SUGCT: variants seen among roughly 807,000 people sequenced by gnomAD.
SUGCT encodes succinyl-CoA:glutarate-CoA transferase.
Under a neutral mutation model 55.0 loss-of-function variants are expected in SUGCT, and 41 were observed. The ratio of observed to expected loss-of-function variants is 0.74; its 90% CI spans 0.58 to 0.97. The LOEUF (loss-of-function observed/expected upper bound fraction) is 0.97, where lower values mean the gene tolerates loss of function less well. Among genes scored for constraint, SUGCT ranks in the 50% least tolerant of loss-of-function variants. SUGCT has a pLI of 0.00. For missense variants in SUGCT, 568 were observed against 547.8 expected (o/e 1.04, Z -0.37); for synonymous variants, 187 against 200.4 (o/e 0.93, Z 0.56).
chr7:40,964,145 ATT>A, the SUGCT span, among the ~76,000 whole-genome samples: 1 of 152,196 alleles, frequency 6.6e-6, no homozygotes, highest in South Asian at 2.1e-4. Context: ...TTCTCTATTC[ATT>A]TTGTATCAAT....
chr7:40,480,301 C>T (rs1257242376), intron 11 of SUGCT, among the ~76,000 whole-genome samples: 1 of 152,122 alleles, frequency 6.6e-6, no homozygotes, highest in Non-Finnish European at 1.5e-5. Context: ...ATGTTCGTGG[C>T]ATCCCTGTGA....
At chr7:41,011,989 A>G in the SUGCT span, among the ~76,000 whole-genome samples, 1 of 151,752 alleles carries the variant, frequency 6.6e-6, no homozygotes, top group Non-Finnish European at 1.5e-5. Flanking sequence ...TCTCTGTTTC[A>G]CTTCATATTC....
chr7:40,948,228 C>T, the SUGCT span, among the ~76,000 whole-genome samples: 1 of 152,320 alleles, frequency 6.6e-6, no homozygotes, highest in Admixed American at 6.5e-5. Flanking sequence ...GCCATTCCTT[C>T]TCTGCATGAA....
At chr7:40,604,422 GT>G (rs931925184) in intron 12 of SUGCT, among the ~76,000 whole-genome samples, 18 of 152,146 alleles carry the variant, frequency 1.2e-4, no homozygotes, top group Non-Finnish European at 4.4e-5. Flanking sequence ...AGAAGCATCT[GT>G]TTTTAGAATG....
At chr7:40,994,792 C>G in the SUGCT span, among the ~76,000 whole-genome samples, 1 of 152,168 alleles carries the variant, frequency 6.6e-6, no homozygotes, top group African/African-American at 2.4e-5. Context: ...CCTTTGGTGA[C>G]AAGTGAGTGC....
At chr7:40,517,426 G>T (rs1161568283) in intron 12 of SUGCT, among the ~76,000 whole-genome samples, 1 of 151,900 alleles carries the variant, frequency 6.6e-6, no homozygotes, top group African/African-American at 2.4e-5. Flanking sequence ...TCTTGTTTCT[G>T]ATTTAAGAAA....
intron 13 of SUGCT, among the ~76,000 whole-genome samples, chr7:40,795,412 A>G (rs1347846260): frequency 6.6e-6 from 1 of 152,190 alleles, no homozygotes; most frequent in African/African-American, 2.4e-5. Context: ...TCTTTCACCA[A>G]ATAAATGAAA....
chr7:40,290,573 A>G (rs1015380567), intron 8 of SUGCT, among the ~76,000 whole-genome samples: 2 of 152,230 alleles, frequency 1.3e-5, no homozygotes, highest in African/African-American at 4.8e-5. Context: ...CCTAGGCAGT[A>G]CTATTCAGGA....
chr7:40,207,681 GT>G (rs1367754631), intron 6 of SUGCT, among the ~76,000 whole-genome samples: 1 of 152,102 alleles, frequency 6.6e-6, no homozygotes, highest in Admixed American at 6.6e-5. Context: ...GCCAGGCGTG[GT>G]GGCGGGCACC....
At chr7:40,183,350 AT>A (rs987910164) in intron 3 of SUGCT, among the ~76,000 whole-genome samples, 1 of 152,038 alleles carries the variant, frequency 6.6e-6, no homozygotes, top group African/African-American at 2.4e-5. Flanking sequence ...TTTTGTTTTT[AT>A]TTTTTAGAGA....
At chr7:40,424,059 C>A (rs1052136245) in intron 9 of SUGCT, among the ~76,000 whole-genome samples, 1 of 152,054 alleles carries the variant, frequency 6.6e-6, no homozygotes, top group African/African-American at 2.4e-5. Flanking sequence ...ATCATACTTT[C>A]CCCTGTAAAT....
chr7:40,834,207 G>T (rs548368399), intron 13 of SUGCT, among the ~76,000 whole-genome samples: 1 of 143,888 alleles, frequency 6.9e-6, no homozygotes, highest in African/African-American at 2.6e-5. Flanking sequence ...CAGCTAAATA[G>T]TTGAACTGAC....
chr7:40,886,939 T>C, the SUGCT span, among the ~76,000 whole-genome samples: 1 of 152,144 alleles, frequency 6.6e-6, no homozygotes, highest in South Asian at 2.1e-4. Context: ...ACATGTAGCT[T>C]GAGAGAGTAG....
chr7:40,977,859 C>T, the SUGCT span, among the ~76,000 whole-genome samples: 2 of 152,176 alleles, frequency 1.3e-5, no homozygotes, highest in African/African-American at 4.8e-5. Flanking sequence ...GCTATTGCTC[C>T]TGCCAGGAGA....
At chr7:40,847,745 TCA>T (rs893446593) in intron 13 of SUGCT, among the ~76,000 whole-genome samples, 1 of 152,072 alleles carries the variant, frequency 6.6e-6, no homozygotes, top group Non-Finnish European at 1.5e-5. Flanking sequence ...TTCATTGGGC[TCA>T]CACAGTTTTA....
intron 9 of SUGCT, among the ~76,000 whole-genome samples, chr7:40,415,287 A>T (rs1786936179): frequency 2.0e-5 from 3 of 149,838 alleles, no homozygotes; most frequent in Non-Finnish European, 3.0e-5. Context: ...AAAAAAAAAA[A>T]TTTGGCCACA....
chr7:40,261,825 C>T (rs1444047059), intron 7 of SUGCT, among the ~76,000 whole-genome samples: 1 of 152,220 alleles, frequency 6.6e-6, no homozygotes, highest in African/African-American at 2.4e-5. Context: ...TACATTTGTT[C>T]TTTCTACCCT....
chr7:40,409,380 C>A (rs771459927), intron 9 of SUGCT, among the ~76,000 whole-genome samples: 2 of 152,152 alleles, frequency 1.3e-5, no homozygotes, highest in Non-Finnish European at 2.9e-5. Flanking sequence ...CCTCCCACCT[C>A]AGCCTCCAAG....
chr7:40,772,071 C>T (rs553351639), intron 13 of SUGCT, among the ~76,000 whole-genome samples: 1 of 152,164 alleles, frequency 6.6e-6, no homozygotes, highest in Non-Finnish European at 1.5e-5. Context: ...TTAATAGTGC[C>T]CCCTCAAGCT....
Sources: allele counts gnomAD v4.1 joint callset (sites outside exome capture counted in the v4.1 genomes callset), GRCh38; gene constraint gnomAD v4.1.1; transcripts MANE v1.5; gene names NCBI Gene and HGNC (gene_info 2026-07-23, HGNC 2026-07-21).